Variants in MAGI1 observed in about 807,000 individuals in gnomAD.
MAGI1 encodes the protein membrane associated guanylate kinase, WW and PDZ domain containing 1.
In MAGI1, 58 loss-of-function variants were observed where a neutral mutation model predicts 139.9. That is an observed-to-expected ratio of 0.41 (90% CI 0.34 to 0.52). The LOEUF is 0.52. MAGI1 is among the 20% of genes least tolerant of loss of function. The pLI is 0.12. For missense variants in MAGI1, 1,874 were observed against 1,901.6 expected (o/e 0.99, Z 0.27); for synonymous variants, 812 against 737.9 (o/e 1.10, Z -1.63).
chr3:65,534,089 G>A (rs1559646080), intron 2 of MAGI1, among the ~76,000 whole-genome samples: 2 of 152,234 alleles, frequency 1.3e-5, no homozygotes, highest in Non-Finnish European at 2.9e-5. Flanking sequence ...TCCTGTTCCT[G>A]GATTCCTGAC....
chr3:65,852,566 T>G (rs1024264235), intron 1 of MAGI1, among the ~76,000 whole-genome samples: 3 of 151,262 alleles, frequency 2.0e-5, no homozygotes, highest in South Asian at 2.1e-4. Context: ...CACAACTGCA[T>G]GATCTCAGCT....
At chr3:65,783,142 C>G (rs191137629) in intron 1 of MAGI1, among the ~76,000 whole-genome samples, 40 of 151,444 alleles carry the variant, frequency 2.6e-4, no homozygotes, top group African/African-American at 9.0e-4. Context: ...AATAAGTGTC[C>G]AGTGTGCAGA....
At chr3:65,376,191 G>A (rs887507909) in intron 17 of MAGI1, among the ~76,000 whole-genome samples, 2 of 152,120 alleles carry the variant, frequency 1.3e-5, no homozygotes, top group African/African-American at 2.4e-5. Context: ...TCAAAATTAG[G>A]GGAATCCCCA....
intron 1 of MAGI1, among the ~76,000 whole-genome samples, chr3:65,775,463 A>AAT (rs1553705202): frequency 0.19 from 21,554 of 112,840 alleles, 2,802 homozygotes; most frequent in Non-Finnish European, 0.28. Flanking sequence ...AAAAAAAAAA[A>AAT]TTTTTTTAAG....
At chr3:65,463,039 T>C (rs1469816511) in intron 5 of MAGI1, among the ~76,000 whole-genome samples, 2 of 152,210 alleles carry the variant, frequency 1.3e-5, no homozygotes, top group African/African-American at 4.8e-5. Context: ...TGGGGTTTTC[T>C]AAATATATAA....
At chr3:65,746,525 T>A (rs2035724007) in intron 1 of MAGI1, among the ~76,000 whole-genome samples, 1 of 152,100 alleles carries the variant, frequency 6.6e-6, no homozygotes, top group Non-Finnish European at 1.5e-5. Context: ...TTCCAGGACA[T>A]AACAATCACA....
At chr3:65,874,845 G>C (rs962971518) in intron 1 of MAGI1, 1 of 152,444 alleles carries the variant, frequency 6.6e-6, no homozygotes, top group African/African-American at 2.4e-5. Context: ...CCAAAAACTA[G>C]GAACAACCCA....
rs3048011 is a variant in MAGI1, at chr3:65,999,972, CT to C, written c.313+38023del. Among the ~76,000 whole-genome samples the C allele has an allele frequency of 2.6e-3, 299 of 113,272 alleles. 2 individuals carry two copies. The highest frequency in any genetic ancestry group is 4.5e-3 in the African/African-American group (132 of 29,114). The allele number at this position is 113,272 out of a possible 152,430, so 74.3% of individuals were successfully genotyped here. A position where few individuals can be genotyped will look rare whatever the true frequency, so the allele number is the denominator to read the frequency against. ...TTAATCAGGTCTTGTTCCCCCCACG[CT>C]TTTTTTTTTTTTTTTTTGATACGGA... On this transcript the variant is annotated intron_variant, in intron 1 of 22. Coordinates refer to ENST00000402939, the MANE Select transcript of MAGI1 (RefSeq NM_001033057.2).
intron 2 of MAGI1, among the ~76,000 whole-genome samples, chr3:65,548,652 A>C (rs4575823): frequency 0.088 from 13,268 of 150,894 alleles, 725 homozygotes; most frequent in African/African-American, 0.14. Context: ...CCTCCCTAGC[A>C]GCTGGGACGG....
chr3:65,541,094 C>T (rs1033605126), intron 2 of MAGI1, among the ~76,000 whole-genome samples: 5 of 152,138 alleles, frequency 3.3e-5, no homozygotes, highest in African/African-American at 4.8e-5. Context: ...TATATTAAAA[C>T]ACTGATCACA....
At chr3:65,365,232 A>T in intron 18 of MAGI1, 1 of 602,300 alleles carries the variant, frequency 1.7e-6, no homozygotes, top group Non-Finnish European at 3.2e-6. Flanking sequence ...TAGCCAAGGT[A>T]TATGTTTCTC....
At chr3:65,955,749 G>C (rs546399869) in intron 1 of MAGI1, among the ~76,000 whole-genome samples, 1 of 152,014 alleles carries the variant, frequency 6.6e-6, no homozygotes, top group African/African-American at 2.4e-5. Context: ...TGAAGTATCA[G>C]AATGACAACC....
At chr3:65,541,386 A>G (rs1293245072) in intron 2 of MAGI1, among the ~76,000 whole-genome samples, 2 of 152,186 alleles carry the variant, frequency 1.3e-5, no homozygotes, top group African/African-American at 4.8e-5. Flanking sequence ...ATTCCACACA[A>G]TAGAAAAAGA....
At chr3:65,612,992 G>C (rs2083196994) in intron 2 of MAGI1, among the ~76,000 whole-genome samples, 2 of 152,084 alleles carry the variant, frequency 1.3e-5, no homozygotes, top group South Asian at 4.1e-4. Flanking sequence ...CCTACACTCA[G>C]CCAAATACTA....
rs529407497 is a variant in MAGI1 at position 65,833,554 on chromosome 3, T to C, written c.313+204442A>G. ...GATGAACTTTCACTGAATGTGCAAG[T>C]ATATGTTCAAATATCTATTTACTAG... is the stretch of plus-strand genomic sequence containing the variant. On this transcript the variant is annotated intron_variant, in intron 1 of 22. Coordinates refer to ENST00000402939, the MANE Select transcript of MAGI1 (RefSeq NM_001033057.2). 3.3e-5 allele frequency among the ~76,000 whole-genome samples: 5 copies of C among 152,306 alleles called. No homozygotes were observed. In the East Asian group the frequency reaches 9.6e-4, roughly 29 times the overall value.
At chr3:65,621,654 T>C (rs1559728624) in intron 2 of MAGI1, among the ~76,000 whole-genome samples, 3 of 152,114 alleles carry the variant, frequency 2.0e-5, no homozygotes, top group Non-Finnish European at 4.4e-5. Flanking sequence ...CCTTAGAAAA[T>C]GCCTTCTGTG....
At chr3:65,444,270 C>T (rs909865945) in intron 7 of MAGI1, among the ~76,000 whole-genome samples, 2 of 152,000 alleles carry the variant, frequency 1.3e-5, no homozygotes, top group South Asian at 2.1e-4. Context: ...TCTTGCGGAC[C>T]GATGCAAATT....
intron 1 of MAGI1, among the ~76,000 whole-genome samples, chr3:65,889,805 G>T (rs562871791): frequency 6.6e-6 from 1 of 152,238 alleles, no homozygotes; most frequent in African/African-American, 2.4e-5. Context: ...GCTTCCTGGA[G>T]GGGGAGCCAC....
chr3:65,526,345 G>C (rs1037853710), intron 2 of MAGI1, among the ~76,000 whole-genome samples: 1 of 152,100 alleles, frequency 6.6e-6, no homozygotes, highest in African/African-American at 2.4e-5. Flanking sequence ...TTCCTTGATT[G>C]TATTTCATTT....
Sources: gnomAD v4.1 joint callset for allele counts (sites outside exome capture counted in the v4.1 genomes callset) on GRCh38, gnomAD v4.1.1 for gene constraint, MANE v1.5 for transcripts, NCBI Gene and HGNC (gene_info 2026-07-23, HGNC 2026-07-21) for gene names.